MAP3K8: variants seen among roughly 807,000 people sequenced by gnomAD.
MAP3K8 encodes mitogen-activated protein kinase kinase kinase 8, also known as Ewing sarcoma transformant.
A neutral mutation model predicts 45.8 loss-of-function variants in MAP3K8; 22 were observed. The ratio of observed to expected loss-of-function variants is 0.48; its 90% CI spans 0.34 to 0.69. The LOEUF (loss-of-function observed/expected upper bound fraction) is 0.69. Ranked by LOEUF, MAP3K8 falls within the 30% of genes least tolerant of loss-of-function variation. The pLI, the probability that MAP3K8 is intolerant of heterozygous loss-of-function variation, is 0.01. For missense variants in MAP3K8, 419 were observed against 585.0 expected, an observed-to-expected ratio of 0.72 and a Z score of 2.93; for synonymous variants, 223 against 214.3, an observed-to-expected ratio of 1.04 and a Z score of -0.36.
chr10:30,458,280 T>C, intron 7 of MAP3K8, 44 bp downstream of exon 7: 1 of 1,086,556 alleles, frequency 9.2e-7, no homozygotes, highest in Non-Finnish European at 1.3e-6. Context: ...GGGGGGGGCG[T>C]TGAGTTATGC....
chr10:30,434,965 A>G (rs1434806330), intron 1 of MAP3K8, among the ~76,000 whole-genome samples: 1 of 152,240 alleles, frequency 6.6e-6, no homozygotes, highest in African/African-American at 2.4e-5. Context: ...GCAGAACACG[A>G]AGGCTGGGCT....
rs1320296400 is a variant in MAP3K8, at chr10:30,459,453, A to C, written c.1225A>C (p.Lys409Gln). The C allele has an allele frequency of 1.2e-6, 2 of 1,614,120 alleles. No homozygotes were observed. Among genetic ancestry groups the C allele is most frequent in the Admixed American group, 1.7e-5 (1 of 60,018 alleles). Reference sequence around the variant, plus strand: ...TCTGGACTCTGCCCTCTTGGAGCGCAAGAGGCTGCTGAGTAGGAAGGAGCT... The same window carrying C: ...TCTGGACTCTGCCCTCTTGGAGCGCCAGAGGCTGCTGAGTAGGAAGGAGCT... Reference protein sequence around the residue: ...QSLDSALLERKRLLSRKELEL... With the variant: ...QSLDSALLERQRLLSRKELEL... Residue 409 changes from lysine (K) to glutamine (Q), a missense_variant, in exon 8 of 9, where the codon AAG (lysine) becomes CAG (glutamine). Around this residue, in one of 3 missense-constraint regions of MAP3K8, gnomAD observed 108 missense variants for 124.2 expected, o/e 0.87. Transcript: ENST00000263056.
chr10:30,451,623 TTCCTC>T lies in MAP3K8; in HGVS notation c.767-12_767-8del. ...ATAAAAAATTTTATCTTAAAAATAT[TTCCTC>T]TCATTTTAGCTAGCAACATTGTTTT... On this transcript the variant is annotated splice_polypyrimidine_tract_variant and intron_variant, in intron 5 of 8. Coordinates refer to ENST00000263056, the MANE Select transcript of MAP3K8 (RefSeq NM_005204.4). 1 of 1,482,274 alleles carries T rather than the reference TTCCTC, an allele frequency of 6.7e-7. No homozygotes were observed. Among genetic ancestry groups the T allele is most frequent in the South Asian group, 1.3e-5 (1 of 79,132 alleles). 91.8% of individuals were successfully genotyped at this position (1,482,274 alleles called of 1,614,324 possible). A position where few individuals can be genotyped will look rare whatever the true frequency, so the allele number is the denominator to read the frequency against.
chr10:30,447,476 T>C (rs978336281), intron 3 of MAP3K8, among the ~76,000 whole-genome samples: 4 of 152,254 alleles, frequency 2.6e-5, no homozygotes, highest in Admixed American at 6.5e-5. Context: ...TTCAGCCTTT[T>C]GGTTGCCGTA....
intron 5 of MAP3K8, among the ~76,000 whole-genome samples, chr10:30,451,147 T>C (rs1366065363): frequency 1.3e-5 from 2 of 150,382 alleles, no homozygotes; most frequent in Non-Finnish European, 3.0e-5. Flanking sequence ...CAGAGACAAG[T>C]ATTTTTGAGA....
At chr10:30,443,825 A>T (rs1012261306) in intron 3 of MAP3K8, among the ~76,000 whole-genome samples, 3 of 152,206 alleles carry the variant, frequency 2.0e-5, no homozygotes, top group Admixed American at 6.5e-5. Context: ...TGTGCTTATA[A>T]TGCCTGCCCT....
chr10:30,459,719 G>A (rs1020543206), intron 8 of MAP3K8, among the ~76,000 whole-genome samples: 19 of 152,152 alleles, frequency 1.2e-4, no homozygotes, highest in African/African-American at 4.6e-4. Flanking sequence ...CAGTGCAAGT[G>A]TAGGTAGCAC....
At chr10:30,453,259 ATATAT>A (rs1836613055) in intron 6 of MAP3K8, among the ~76,000 whole-genome samples, 1 of 152,138 alleles carries the variant, frequency 6.6e-6, no homozygotes, top group South Asian at 2.1e-4. Flanking sequence ...CATTATTAAA[ATATAT>A]TAGTGATATA....
At chr10:30,458,268 CGGG>C in intron 7 of MAP3K8, 32 bp downstream of exon 7, 2 of 439,426 alleles carry the variant, frequency 4.6e-6, no homozygotes, top group Non-Finnish European at 7.4e-6. Flanking sequence ...CTGGGGGCGG[CGGG>C]GGGGGGCGTT....
At chr10:30,437,143 C>CT (rs1479147742) in intron 1 of MAP3K8, 33 bp from the exon 2 acceptor site, 22 of 983,522 alleles carry the variant, frequency 2.2e-5, no homozygotes, top group Non-Finnish European at 2.2e-5. Context: ...AGGTTTCTGC[C>CT]TTTTTTTTCT....
intron 6 of MAP3K8, among the ~76,000 whole-genome samples, chr10:30,454,611 T>C (rs1375399156): frequency 6.6e-6 from 1 of 151,572 alleles, no homozygotes; most frequent in African/African-American, 2.4e-5. Flanking sequence ...TTCTCAACTC[T>C]CTCAAAGCCA....
chr10:30,459,179 C>T, intron 7 of MAP3K8, 76 bp from the exon 8 acceptor site: 2 of 1,535,104 alleles, frequency 1.3e-6, no homozygotes, highest in Admixed American at 1.7e-5. Flanking sequence ...CTTTCTAGGT[C>T]CTGGTACTAG....
intron 1 of MAP3K8, chr10:30,434,716 C>T (rs904108354): frequency 2.0e-6 from 2 of 985,438 alleles, no homozygotes; most frequent in Admixed American, 6.1e-5. Flanking sequence ...CCGACGCCGC[C>T]TGGACGGCCG....
intron 5 of MAP3K8, 63 bp downstream of exon 5, chr10:30,450,582 A>G: frequency 2.0e-6 from 3 of 1,492,488 alleles, no homozygotes; most frequent in East Asian, 2.3e-5. Context: ...GAGACAAACA[A>G]GCTCCTTCCT....
chr10:30,453,871 GAA>G (rs1042480695), intron 6 of MAP3K8, among the ~76,000 whole-genome samples: 1 of 116,172 alleles, frequency 8.6e-6, no homozygotes. Context: ...CATCTCTTTT[GAA>G]AAAAAAAAAG....
intron 3 of MAP3K8, among the ~76,000 whole-genome samples, chr10:30,446,534 CAA>C (rs5784199): frequency 3.4e-4 from 30 of 89,180 alleles, no homozygotes; most frequent in Admixed American, 7.7e-4. Flanking sequence ...GACTCCATCT[CAA>C]AAAAAAAAAA....
chr10:30,460,176 G>C (rs1481960467), intron 8 of MAP3K8, among the ~76,000 whole-genome samples: 1 of 152,138 alleles, frequency 6.6e-6, no homozygotes, highest in Non-Finnish European at 1.5e-5. Flanking sequence ...CCAGTCCTTG[G>C]TGGGGGAACA....
Position 30,460,710 on chromosome 10 carries a change from T to A in MAP3K8, c.1278T>A (p.Ser426=). The change falls in exon 9 of 9, where the codon TCT becomes TCA. Residue 426 remains serine (S), a synonymous_variant. Transcript: ENST00000263056. The stretch of plus-strand genomic sequence containing the variant: ...TTGTAATGTTTTCCTTTTCAGATTC[T>A]TCGTGCACAGGAAGCACCGAGGAAT... ...ELELPENIAD[S]SCTGSTEESE... is the part of the protein sequence containing the mutation. 1 of 1,605,696 alleles carries A rather than the reference T, an allele frequency of 6.2e-7. No individual in the cohort carries two copies. The highest frequency in any genetic ancestry group is 1.7e-5 in the Admixed American group (1 of 58,422).
intron 6 of MAP3K8, among the ~76,000 whole-genome samples, chr10:30,453,234 T>G (rs1295469824): frequency 6.6e-6 from 1 of 152,056 alleles, no homozygotes; most frequent in Admixed American, 6.6e-5. Context: ...CTTTAAAAAA[T>G]TATAATATTA....
Sources: gnomAD v4.1 joint callset for allele counts (sites outside exome capture counted in the v4.1 genomes callset) on GRCh38, gnomAD v4.1.1 for gene constraint, gnomAD v4.1.1 regional missense constraint, MANE v1.5 for transcripts, NCBI Gene and HGNC (gene_info 2026-07-23, HGNC 2026-07-21) for gene names.